Variants in NEMP2 observed in about 807,000 individuals in gnomAD.
The protein encoded by NEMP2 is UPF0571 transmembrane protein.
NEMP2 carries 53 observed loss-of-function variants against 54.2 expected under a neutral mutation model. The ratio of observed to expected loss-of-function variants is 0.98; its 90% CI spans 0.78 to 1.23. The LOEUF (loss-of-function observed/expected upper bound fraction) is 1.23. Among genes scored for constraint, NEMP2 ranks in the 50% most tolerant of loss-of-function variants. NEMP2 has a pLI of 0.00. For missense variants in NEMP2, 455 were observed against 511.3 expected (o/e 0.89, Z 1.06); for synonymous variants, 197 against 190.3 (o/e 1.04, Z -0.29).
At chr2:190,623,738 G>A in the NEMP2 span, among the ~76,000 whole-genome samples, 1 of 151,990 alleles carries the variant, frequency 6.6e-6, no homozygotes, top group Non-Finnish European at 1.5e-5. Flanking sequence ...GAAATGCTTC[G>A]GGACACTGGT....
rs1370619658 is a variant in NEMP2, at chr2:190,509,706, G to A, written c.1131-394C>T. 6.6e-6 allele frequency among the ~76,000 whole-genome samples: 1 copy of A among 152,192 alleles called. No individual in the cohort carries two copies. The highest frequency in any genetic ancestry group is 1.5e-5 in the Non-Finnish European group (1 of 68,034). ...GTTATGAGGAAGAGAAAGCAATAAGGAAAAATTTTGGGACAGACGTCTTTC... is the reference window on the plus strand; with the variant it reads ...GTTATGAGGAAGAGAAAGCAATAAGAAAAAATTTTGGGACAGACGTCTTTC... On this transcript the variant is annotated intron_variant, in intron 8 of 8. Transcript: ENST00000409150. The surrounding 1 kb of genome is among the most constrained non-coding windows in gnomAD (Gnocchi z 6.1).
the NEMP2 span, chr2:190,497,327 C>A: frequency 8.4e-7 from 1 of 1,188,434 alleles, no homozygotes; most frequent in Non-Finnish European, 1.2e-6. This position sits in a 1 kb window ranked among gnomAD's most constrained non-coding sequence, Gnocchi z 5.2. Context: ...TTAATATTAT[C>A]AAGCACTCTG....
the NEMP2 span, among the ~76,000 whole-genome samples, chr2:190,541,949 TG>T: frequency 1.3e-5 from 2 of 152,152 alleles, no homozygotes; most frequent in South Asian, 4.1e-4. The surrounding 1 kb of genome is among the most constrained non-coding windows in gnomAD (Gnocchi z 5.2). Flanking sequence ...TTGAGAAGTC[TG>T]TTGCCAGAAA....
chr2:190,631,615 T>G, the NEMP2 span, among the ~76,000 whole-genome samples: 1 of 152,262 alleles, frequency 6.6e-6, no homozygotes, highest in Non-Finnish European at 1.5e-5. Flanking sequence ...TGCAGAATAT[T>G]TGGATAATAT....
the NEMP2 span, among the ~76,000 whole-genome samples, chr2:190,583,166 C>G: frequency 6.6e-6 from 1 of 150,752 alleles, no homozygotes; most frequent in Non-Finnish European, 1.5e-5. Flanking sequence ...GCAGCCTTAA[C>G]GATTTTTAAA....
the NEMP2 span, among the ~76,000 whole-genome samples, chr2:190,570,413 A>G: frequency 6.6e-6 from 1 of 152,158 alleles, no homozygotes; most frequent in Non-Finnish European, 1.5e-5. This position sits in a 1 kb window ranked among gnomAD's most constrained non-coding sequence, Gnocchi z 5.4. Flanking sequence ...CCTTCCTGTA[A>G]AAAGAACTCT....
chr2:190,428,125 T>C, the NEMP2 span, among the ~76,000 whole-genome samples: 1 of 152,240 alleles, frequency 6.6e-6, no homozygotes, highest in Non-Finnish European at 1.5e-5. Context: ...TGTTTCCTGC[T>C]TCTCTTAGTC....
the NEMP2 span, among the ~76,000 whole-genome samples, chr2:190,478,723 G>A: frequency 3.2e-4 from 48 of 151,846 alleles, no homozygotes; most frequent in Non-Finnish European, 5.1e-4. Flanking sequence ...GTCTGGGGAA[G>A]GGGAAGGCTG....
chr2:190,566,637 A>G, the NEMP2 span, among the ~76,000 whole-genome samples: 2 of 141,410 alleles, frequency 1.4e-5, no homozygotes, highest in Non-Finnish European at 1.5e-5. Context: ...AGGGGAAGGG[A>G]AGGGAGGGGA....
At chr2:190,470,018 T>G in the NEMP2 span, among the ~76,000 whole-genome samples, 2 of 152,182 alleles carry the variant, frequency 1.3e-5, no homozygotes, top group Non-Finnish European at 2.9e-5. Context: ...GGAGGGATGG[T>G]TCCTTGGTTA....
the NEMP2 span, chr2:190,648,119 T>C: frequency 1.3e-5 from 2 of 152,382 alleles, no homozygotes; most frequent in African/African-American, 4.8e-5. Context: ...ACCAGCACTA[T>C]ACTAGCGCCG....
chr2:190,431,592 G>A, the NEMP2 span, among the ~76,000 whole-genome samples: 1 of 152,218 alleles, frequency 6.6e-6, no homozygotes. The surrounding 1 kb of genome is among the most constrained non-coding windows in gnomAD (Gnocchi z 4.4). Context: ...GCAATCGCAG[G>A]CACTTGGCAG....
chr2:190,632,392 G>A, the NEMP2 span, among the ~76,000 whole-genome samples: 1 of 152,264 alleles, frequency 6.6e-6, no homozygotes, highest in Non-Finnish European at 1.5e-5. This position sits in a 1 kb window ranked among gnomAD's most constrained non-coding sequence, Gnocchi z 4.8. Flanking sequence ...GACCAAAGTA[G>A]CTGGATCCCA....
At chr2:190,487,533 A>G in the NEMP2 span, among the ~76,000 whole-genome samples, 2 of 152,220 alleles carry the variant, frequency 1.3e-5, no homozygotes, top group Non-Finnish European at 2.9e-5. This position sits in a 1 kb window ranked among gnomAD's most constrained non-coding sequence, Gnocchi z 5.5. Flanking sequence ...TGTCCAGAAT[A>G]TATAAAGAGC....
At chr2:190,590,546 C>T in the NEMP2 span, among the ~76,000 whole-genome samples, 1 of 152,172 alleles carries the variant, frequency 6.6e-6, no homozygotes, top group African/African-American at 2.4e-5. The surrounding 1 kb of genome is among the most constrained non-coding windows in gnomAD (Gnocchi z 5.1). Context: ...TCACCTTCTC[C>T]TGATCAACAC....
chr2:190,428,847 A>C, the NEMP2 span, among the ~76,000 whole-genome samples: 17 of 151,670 alleles, frequency 1.1e-4, no homozygotes, highest in African/African-American at 3.6e-4. Context: ...TAATTTTTTT[A>C]GTTTTAATAG....
chr2:190,501,641 G>T (rs1690030744), downstream of NEMP2: 1 of 152,556 alleles, frequency 6.6e-6, no homozygotes, highest in South Asian at 2.1e-4. Flanking sequence ...AGGATCAATT[G>T]TAAAGTGAGG....
the NEMP2 span, among the ~76,000 whole-genome samples, chr2:190,574,207 C>A: frequency 1.3e-5 from 2 of 152,114 alleles, no homozygotes; most frequent in Non-Finnish European, 2.9e-5. Flanking sequence ...AAATTTATTG[C>A]AAGATGAACA....
chr2:190,436,637 A>G, the NEMP2 span: 1 of 1,614,206 alleles, frequency 6.2e-7, no homozygotes, highest in Non-Finnish European at 8.5e-7. The surrounding 1 kb of genome is among the most constrained non-coding windows in gnomAD (Gnocchi z 5.3). Flanking sequence ...AACCTTTTGG[A>G]AACAAGGCTC....
Sources: allele counts gnomAD v4.1 joint callset (sites outside exome capture counted in the v4.1 genomes callset), GRCh38; gene constraint gnomAD v4.1.1; non-coding constraint Gnocchi (gnomAD v3.1); transcripts MANE v1.5; gene names NCBI Gene and HGNC (gene_info 2026-07-23, HGNC 2026-07-21).